The following ANKS1B variants were observed in gnomAD, a reference collection of about 807,000 sequenced individuals.
ANKS1B encodes ankyrin repeat and sterile alpha motif domain-containing protein 1B.
Under a neutral mutation model 148.3 loss-of-function variants are expected in ANKS1B, and 36 were observed. That is an observed-to-expected ratio of 0.24 (90% CI 0.19 to 0.32). The LOEUF is 0.32. Ranked by LOEUF, ANKS1B falls within the 10% of genes least tolerant of loss-of-function variation. ANKS1B has a pLI of 1.00. For missense variants in ANKS1B, 1,157 were observed against 1,542.6 expected (o/e 0.75, Z 4.19); for synonymous variants, 542 against 560.8 (o/e 0.97, Z 0.47).
At chr12:99,651,794 TAACAG>T (rs2098421169) in intron 9 of ANKS1B, among the ~76,000 whole-genome samples, 1 of 151,938 alleles carries the variant, frequency 6.6e-6, no homozygotes, top group African/African-American at 2.4e-5. Context: ...ATACTGATAA[TAACAG>T]AAAAAGATTT....
At chr12:98,967,751 T>TAA (rs544792811) in intron 17 of ANKS1B, among the ~76,000 whole-genome samples, 12 of 81,350 alleles carry the variant, frequency 1.5e-4, no homozygotes, top group East Asian at 8.9e-4. Flanking sequence ...CAGACAAATC[T>TAA]AAAAAAAAAA....
chr12:99,646,026 TAA>T (rs34337860), intron 9 of ANKS1B, among the ~76,000 whole-genome samples: 60 of 131,836 alleles, frequency 4.6e-4, no homozygotes, highest in Non-Finnish European at 8.4e-4. Flanking sequence ...AGAAAATCAG[TAA>T]AAAAAAAAAA....
At chr12:99,378,450 T>C (rs1260283311) in intron 12 of ANKS1B, among the ~76,000 whole-genome samples, 1 of 151,682 alleles carries the variant, frequency 6.6e-6, no homozygotes, top group Non-Finnish European at 1.5e-5. Context: ...GGTCAAGAGA[T>C]CGAGACCATC....
chr12:99,885,545 C>T (rs867747755), intron 1 of ANKS1B, among the ~76,000 whole-genome samples: 5 of 152,064 alleles, frequency 3.3e-5, no homozygotes, highest in African/African-American at 4.8e-5. Context: ...CCTCGTGATC[C>T]GCCCGCCTGG....
chr12:99,555,026 A>C (rs1363707157), intron 9 of ANKS1B, among the ~76,000 whole-genome samples: 1 of 152,082 alleles, frequency 6.6e-6, no homozygotes, highest in East Asian at 1.9e-4. Context: ...AAAAGACATG[A>C]TCTCACCACA....
chr12:99,220,449 C>CT (rs5800380), intron 14 of ANKS1B, among the ~76,000 whole-genome samples: 33,333 of 112,696 alleles, frequency 0.3, 6,347 homozygotes, highest in Non-Finnish European at 0.33. Flanking sequence ...AGTAGCATTT[C>CT]TTTTTTTTTT....
At chr12:99,591,279 T>A (rs1378666814) in intron 9 of ANKS1B, among the ~76,000 whole-genome samples, 1 of 151,994 alleles carries the variant, frequency 6.6e-6, no homozygotes, top group Admixed American at 6.6e-5. Context: ...TCATACCGAA[T>A]TAGAATAAAA....
intron 12 of ANKS1B, among the ~76,000 whole-genome samples, chr12:99,332,228 T>A (rs1467273239): frequency 6.6e-6 from 1 of 152,044 alleles, no homozygotes; most frequent in East Asian, 1.9e-4. Flanking sequence ...GAACACAATT[T>A]TTCCAAGATC....
intron 15 of ANKS1B, among the ~76,000 whole-genome samples, chr12:99,137,242 C>T (rs1370968292): frequency 6.6e-6 from 1 of 152,182 alleles, no homozygotes; most frequent in African/African-American, 2.4e-5. Flanking sequence ...CAATAAAACG[C>T]TTTCTAACAG....
intron 15 of ANKS1B, among the ~76,000 whole-genome samples, chr12:99,100,308 T>C (rs2057550104): frequency 1.3e-5 from 2 of 152,184 alleles, no homozygotes; most frequent in African/African-American, 4.8e-5. Context: ...TGCCTAGACT[T>C]CTGGGGCTTC....
chr12:99,821,470 C>A (rs1237389245), intron 2 of ANKS1B, among the ~76,000 whole-genome samples: 7 of 145,958 alleles, frequency 4.8e-5, no homozygotes, highest in Non-Finnish European at 6.1e-5. Context: ...TCTAAATCAC[C>A]AAAAAAAAAA....
At chr12:99,909,217 CGT>C (rs60264932) in intron 1 of ANKS1B, among the ~76,000 whole-genome samples, 14,255 of 136,784 alleles carry the variant, frequency 0.1, 843 homozygotes, top group East Asian at 0.26. Context: ...AATATTCCAT[CGT>C]GTGTGTGTGT....
In ANKS1B at chr12:99,546,512, T is replaced by G. The variant is rs185709121; in HGVS notation, c.1273-41871A>C. ...CCAGGGACACATTTCACATATCTGC[T>G]GCTCTCAGTAGAGGGATCAATAATT... On this transcript the variant is annotated intron_variant, in intron 9 of 26. Transcript: ENST00000683438. Among the ~76,000 whole-genome samples the G allele has an allele frequency of 1.9e-3, 288 of 152,296 alleles. 1 individual carries two copies. The highest frequency in any genetic ancestry group is 6.7e-3 in the African/African-American group (279 of 41,576).
chr12:99,682,474 C>T (rs2098626827), intron 8 of ANKS1B, among the ~76,000 whole-genome samples: 1 of 152,120 alleles, frequency 6.6e-6, no homozygotes, highest in Non-Finnish European at 1.5e-5. Context: ...CATGGAAATA[C>T]ATGGAAATGA....
chr12:99,679,551 C>T (rs1320993262), intron 8 of ANKS1B, among the ~76,000 whole-genome samples: 1 of 152,128 alleles, frequency 6.6e-6, no homozygotes, highest in African/African-American at 2.4e-5. Flanking sequence ...TTCAAGTGAT[C>T]CGCCCTCCTC....
At chr12:98,855,560 T>C (rs949292002) in intron 17 of ANKS1B, among the ~76,000 whole-genome samples, 3 of 152,272 alleles carry the variant, frequency 2.0e-5, no homozygotes, top group Non-Finnish European at 4.4e-5. Flanking sequence ...TGGAATACAG[T>C]AGGTACTCAG....
At chr12:99,757,059 G>A (rs528161604) in intron 8 of ANKS1B, among the ~76,000 whole-genome samples, 1 of 151,926 alleles carries the variant, frequency 6.6e-6, no homozygotes, top group Admixed American at 6.6e-5. Context: ...TCATGACAAA[G>A]ATGCCAAAAG....
At chr12:99,268,337 A>C (rs962185221) in intron 12 of ANKS1B, among the ~76,000 whole-genome samples, 2 of 152,254 alleles carry the variant, frequency 1.3e-5, no homozygotes, top group Non-Finnish European at 2.9e-5. Flanking sequence ...AAAAGGGGAC[A>C]GGAAGCCCTA....
chr12:98,980,015 G>T (rs536998662), intron 17 of ANKS1B, among the ~76,000 whole-genome samples: 1 of 151,820 alleles, frequency 6.6e-6, no homozygotes, highest in Non-Finnish European at 1.5e-5. Flanking sequence ...AAGTTCATGG[G>T]CTTTTTCTTT....
Sources: allele counts gnomAD v4.1 joint callset (sites outside exome capture counted in the v4.1 genomes callset), GRCh38; gene constraint gnomAD v4.1.1; transcripts MANE v1.5; gene names NCBI Gene and HGNC (gene_info 2026-07-23, HGNC 2026-07-21).